Variants in FEM1B observed in about 807,000 individuals in gnomAD.
FEM1B encodes protein fem-1 homolog B.
FEM1B carries 10 observed loss-of-function variants against 38.6 expected under a neutral mutation model. The ratio of observed to expected loss-of-function variants is 0.26; its 90% CI spans 0.16 to 0.44. The LOEUF is 0.44. Among genes scored for constraint, FEM1B ranks in the 20% least tolerant of loss-of-function variants. FEM1B has a pLI of 1.00. For missense variants in FEM1B, 471 were observed against 786.7 expected (o/e 0.60, Z 4.80); for synonymous variants, 288 against 288.0 (o/e 1.00, Z 0.00).
Position 68,278,188 on chromosome 15 carries a change from C to T in FEM1B, c.-230C>T, listed in dbSNP as rs1298922911. 9.2e-6 allele frequency: 5 copies of T among 543,840 alleles called. No homozygotes were observed. Among genetic ancestry groups the T allele is most frequent in the South Asian group, 2.2e-5 (1 of 44,840 alleles). 33.7% of individuals were successfully genotyped at this position (543,840 alleles called of 1,614,324 possible). A position where few individuals can be genotyped will look rare whatever the true frequency, so the allele number is the denominator to read the frequency against. On this transcript the variant is annotated 5_prime_UTR_variant, in exon 1 of 2. Transcript: ENST00000306917. This position sits in a 1 kb window ranked among gnomAD's most constrained non-coding sequence, Gnocchi z 5.7. Reference sequence around the variant, plus strand: ...GGGACCTGGCGGGCGGCCCTGACCGCCTTCCTCCCTGCGCGGGCTGGGTCG... The same window carrying T: ...GGGACCTGGCGGGCGGCCCTGACCGTCTTCCTCCCTGCGCGGGCTGGGTCG...
In FEM1B at chr15:68,280,866, A is replaced by G. The variant is rs1892718615; in HGVS notation, c.248+2201A>G. Among the ~76,000 whole-genome samples, 1 of 152,368 alleles carries G rather than the reference A, an allele frequency of 6.6e-6. No individual in the cohort carries two copies. The highest frequency in any genetic ancestry group is 2.1e-4 in the South Asian group (1 of 4,832). ...TACAATTATGAATTTATTAGCTGCT[A>G]TGTAAAAATAGTCCTTATTAAATGC... is the stretch of plus-strand genomic sequence containing the variant. On this transcript the variant is annotated intron_variant, in intron 1 of 1. Coordinates refer to ENST00000306917, the MANE Select transcript of FEM1B (RefSeq NM_015322.5). The surrounding 1 kb of genome is among the most constrained non-coding windows in gnomAD (Gnocchi z 4.2).
chr15:68,289,549 T>G lies in FEM1B; in HGVS notation c.249-58T>G. 7.6e-7 allele frequency: 1 copy of G among 1,312,206 alleles called. No homozygotes were observed. The highest frequency in any genetic ancestry group is 1.1e-6 in the Non-Finnish European group (1 of 921,418). The allele number at this position is 1,312,206 out of a possible 1,614,324, so 81.3% of individuals were successfully genotyped here. On this transcript the variant is annotated intron_variant, in intron 1 of 1. Coordinates refer to ENST00000306917, the MANE Select transcript of FEM1B (RefSeq NM_015322.5). This position sits in a 1 kb window ranked among gnomAD's most constrained non-coding sequence, Gnocchi z 6.9. ...GGTCGGTGGGAGTGAATACATCCCT[T>G]AAACATATGTTAGGCTGTGGCCTCT...
chr15:68,285,538 CCT>C (rs1336227207), intron 1 of FEM1B, among the ~76,000 whole-genome samples: 3 of 152,116 alleles, frequency 2.0e-5, no homozygotes, highest in African/African-American at 7.2e-5. Flanking sequence ...TTATTATTGC[CCT>C]GTCAGTCTTG....
Position 68,284,743 on chromosome 15 carries a change from AATCTT to A in FEM1B, c.249-4858_249-4854del, listed in dbSNP as rs1892766617. The stretch of plus-strand genomic sequence containing the variant: ...ATAGGGTTTGGCTATGTCCCACCCA[AATCTT>A]ATCTTGAATTCCCACGTGTTGTGGG... On this transcript the variant is annotated intron_variant, in intron 1 of 1. Transcript: ENST00000306917. The surrounding 1 kb of genome is among the most constrained non-coding windows in gnomAD (Gnocchi z 4.4). Among the ~76,000 whole-genome samples the A allele has an allele frequency of 1.3e-5, 2 of 152,170 alleles. No homozygotes were observed. Among genetic ancestry groups the A allele is most frequent in the African/African-American group, 2.4e-5 (1 of 41,422 alleles).
chr15:68,290,954 A>G lies in FEM1B; in HGVS notation c.1596A>G (p.Gly532=). 6.2e-7 allele frequency: 1 copy of G among 1,614,172 alleles called. No individual in the cohort carries two copies. The highest frequency in any genetic ancestry group is 2.2e-5 in the East Asian group (1 of 44,886). The change falls in exon 2 of 2, where the codon GGA becomes GGG. Residue 532 remains glycine, a synonymous_variant. Coordinates refer to ENST00000306917, the MANE Select transcript of FEM1B (RefSeq NM_015322.5). This position sits in a 1 kb window ranked among gnomAD's most constrained non-coding sequence, Gnocchi z 9.7. ...AGGTGAATGCCGTGGACAATGAGGG[A>G]AACAGTGCCCTTCATATTATCGTTC... The part of the protein sequence containing the change: ...GAEVNAVDNE[G]NSALHIIVQY...
Position 68,278,417 on chromosome 15 carries a change from C to T in FEM1B, c.-1C>T, listed in dbSNP as rs1892687098. On this transcript the variant is annotated 5_prime_UTR_variant, in exon 1 of 2. Transcript: ENST00000306917. The surrounding 1 kb of genome is among the most constrained non-coding windows in gnomAD (Gnocchi z 5.7). The stretch of plus-strand genomic sequence containing the variant: ...AACGGGTGTTGGAGTTGGCGGCGGC[C>T]ATGGAGGGCCTGGCTGGCTATGTAT... 1 of 1,610,024 alleles carries T rather than the reference C, an allele frequency of 6.2e-7. No individual in the cohort carries two copies. Among genetic ancestry groups the T allele is most frequent in the Non-Finnish European group, 8.5e-7 (1 of 1,178,494 alleles).
Position 68,284,190 on chromosome 15 carries a change from A to G in FEM1B, c.249-5417A>G, listed in dbSNP as rs7175297. ...GTGAGCCACTGTGCCCAGCCCTCAT[A>G]TAAACTTTTTAGTTATTTATCTGCA... On this transcript the variant is annotated intron_variant, in intron 1 of 1. Coordinates refer to ENST00000306917, the MANE Select transcript of FEM1B (RefSeq NM_015322.5). This position sits in a 1 kb window ranked among gnomAD's most constrained non-coding sequence, Gnocchi z 4.4. Among the ~76,000 whole-genome samples, 50,725 of 151,948 alleles carry G rather than the reference A, an allele frequency of 0.33. 9,114 individuals are homozygous for G. Among genetic ancestry groups the G allele is most frequent in the African/African-American group, 0.42 (17,378 of 41,416 alleles).
At chr15:68,279,214 C>T (rs1437745370) in intron 1 of FEM1B, among the ~76,000 whole-genome samples, 1 of 152,198 alleles carries the variant, frequency 6.6e-6, no homozygotes, top group African/African-American at 2.4e-5. Context: ...AGCCAGACAT[C>T]TCAAGACATG....
Position 68,290,613 on chromosome 15 carries a change from G to C in FEM1B, c.1255G>C (p.Glu419Gln). 1 of 1,614,194 alleles carries C rather than the reference G, an allele frequency of 6.2e-7. No individual in the cohort carries two copies. Among genetic ancestry groups the C allele is most frequent in the Non-Finnish European group, 8.5e-7 (1 of 1,180,010 alleles). ...CVLRCSVLEIEQSMNRVKNIS... is the reference protein window; with the variant it reads ...CVLRCSVLEIQQSMNRVKNIS... ...TTTGAGATGCAGTGTTTTGGAAATAGAACAAAGTATGAACAGAGTGAAAAA... is the reference window on the plus strand; with the variant it reads ...TTTGAGATGCAGTGTTTTGGAAATACAACAAAGTATGAACAGAGTGAAAAA... The change falls in exon 2 of 2, where the codon GAA (glutamate) becomes CAA (glutamine). Residue 419 changes from glutamate (E) to glutamine (Q), a missense_variant. By Grantham distance (29) the Glu-to-Gln change is conservative. Transcript: ENST00000306917. The surrounding 1 kb of genome is among the most constrained non-coding windows in gnomAD (Gnocchi z 9.7).
At chr15:68,285,701 T>C (rs1179858953) in intron 1 of FEM1B, among the ~76,000 whole-genome samples, 2 of 152,084 alleles carry the variant, frequency 1.3e-5, no homozygotes, top group East Asian at 1.9e-4. Context: ...CTTTTTTTTT[T>C]TTTCTTAAAT....
At chr15:68,285,071 C>T (rs75191224) in intron 1 of FEM1B, among the ~76,000 whole-genome samples, 7,826 of 152,256 alleles carry the variant, frequency 0.051, 658 homozygotes, top group African/African-American at 0.17. Context: ...GCTTCTGTCA[C>T]CACAGATTAG....
chr15:68,292,259 A>T lies in FEM1B; in HGVS notation c.*1017A>T, dbSNP rs1483782871. ...TTTCTTAGTCTGTGACAAGAAGTAG[A>T]AATATCACTAGTGTGGTATAGGAAC... On this transcript the variant is annotated 3_prime_UTR_variant, in exon 2 of 2. Transcript: ENST00000306917. The T allele has an allele frequency of 6.6e-6, 1 of 152,216 alleles. No individual in the cohort carries two copies. Among genetic ancestry groups the T allele is most frequent in the East Asian group, 1.9e-4 (1 of 5,206 alleles). 9.4% of individuals were successfully genotyped at this position (152,216 alleles called of 1,614,324 possible).
At position 68,278,326 on chromosome 15, in the gene FEM1B, C is replaced by T. The variant is rs1892685188; in HGVS notation, c.-92C>T. 1 of 1,480,080 alleles carries T rather than the reference C, an allele frequency of 6.8e-7. No individual in the cohort carries two copies. Among genetic ancestry groups the T allele is most frequent in the Non-Finnish European group, 9.0e-7 (1 of 1,106,246 alleles). 91.7% of individuals were successfully genotyped at this position (1,480,080 alleles called of 1,614,324 possible). On this transcript the variant is annotated 5_prime_UTR_variant, in exon 1 of 2. Transcript: ENST00000306917. The surrounding 1 kb of genome is among the most constrained non-coding windows in gnomAD (Gnocchi z 5.7). The stretch of plus-strand genomic sequence containing the variant: ...CGCCCTGTTGAATGGGCTGTGAGGG[C>T]CCAGGTTTAAAGCGCTGGCGAACGC...
chr15:68,278,987 C>T lies in FEM1B; in HGVS notation c.248+322C>T, dbSNP rs75959834. Among the ~76,000 whole-genome samples the T allele has an allele frequency of 9.2e-5, 14 of 152,116 alleles. No homozygotes were observed. Among genetic ancestry groups the T allele is most frequent in the East Asian group, 3.9e-4 (2 of 5,188 alleles). ...CATTTGGAGGAGGTGGCTGCCTTTC[C>T]AGGTTTTACTTTTAGTGGAACTGGT... is the stretch of plus-strand genomic sequence containing the variant. On this transcript the variant is annotated intron_variant, in intron 1 of 1. Coordinates refer to ENST00000306917, the MANE Select transcript of FEM1B (RefSeq NM_015322.5). The surrounding 1 kb of genome is among the most constrained non-coding windows in gnomAD (Gnocchi z 5.7).
rs186758386 is a variant in FEM1B at position 68,291,155 on chromosome 15, C to T, written c.1797C>T (p.Cys599=). ...LKTQMKMSLK[C]LAARAVRAND... is the part of the protein sequence containing the mutation. ...CTCAAATGAAGATGAGTCTCAAGTGCCTGGCTGCCCGAGCAGTTCGGGCTA... is the reference window on the plus strand; with the variant it reads ...CTCAAATGAAGATGAGTCTCAAGTGTCTGGCTGCCCGAGCAGTTCGGGCTA... Residue 599 remains cysteine, a synonymous_variant, in exon 2 of 2, where the codon TGC becomes TGT. Coordinates refer to ENST00000306917, the MANE Select transcript of FEM1B (RefSeq NM_015322.5). This position sits in a 1 kb window ranked among gnomAD's most constrained non-coding sequence, Gnocchi z 6.9. 1.2e-6 allele frequency: 2 copies of T among 1,614,106 alleles called. No homozygotes were observed. Among genetic ancestry groups the T allele is most frequent in the East Asian group, 2.2e-5 (1 of 44,886 alleles).
In FEM1B at chr15:68,294,661, A is replaced by G. The variant is rs1892884918; in HGVS notation, c.*3419A>G. 6.6e-6 allele frequency: 1 copy of G among 152,068 alleles called. No individual in the cohort carries two copies. The highest frequency in any genetic ancestry group is 1.5e-5 in the Non-Finnish European group (1 of 67,990). The allele number at this position is 152,068 out of a possible 1,614,324, so 9.4% of individuals were successfully genotyped here. A position where few individuals can be genotyped will look rare whatever the true frequency, so the allele number is the denominator to read the frequency against. The stretch of plus-strand genomic sequence containing the variant: ...CCTTTGATTAGTTTGCTGGTTTAGA[A>G]ACAGCCAGTGGCTGAATTAGTGAGT... On this transcript the variant is annotated 3_prime_UTR_variant, in exon 2 of 2. Coordinates refer to ENST00000306917, the MANE Select transcript of FEM1B (RefSeq NM_015322.5). This position sits in a 1 kb window ranked among gnomAD's most constrained non-coding sequence, Gnocchi z 4.4.
rs1021528452 is a variant in FEM1B at position 68,284,391 on chromosome 15, A to G, written c.249-5216A>G. Among the ~76,000 whole-genome samples, 33 of 151,436 alleles carry G rather than the reference A, an allele frequency of 2.2e-4. No homozygotes were observed. Among genetic ancestry groups the G allele is most frequent in the Non-Finnish European group, 7.4e-5 (5 of 68,014 alleles). On this transcript the variant is annotated intron_variant, in intron 1 of 1. Transcript: ENST00000306917. This position sits in a 1 kb window ranked among gnomAD's most constrained non-coding sequence, Gnocchi z 4.4. ...AAGTAATTTGGTATAAATTACTTGA[A>G]TTGAAATTACTTGAAATTGAAATTA...
chr15:68,286,694 A>G (rs1892791320), intron 1 of FEM1B, among the ~76,000 whole-genome samples: 1 of 152,056 alleles, frequency 6.6e-6, no homozygotes, highest in Admixed American at 6.6e-5. Flanking sequence ...TTTTCATTAG[A>G]TTTATTACTA....
chr15:68,278,503 A>C lies in FEM1B; in HGVS notation c.86A>C (p.Glu29Ala). The C allele has an allele frequency of 6.2e-7, 1 of 1,614,012 alleles. No homozygotes were observed. The highest frequency in any genetic ancestry group is 8.5e-7 in the Non-Finnish European group (1 of 1,180,018). The change falls in exon 1 of 2, where the codon GAA becomes GCA. Residue 29 changes from glutamate (E) to alanine (A), a missense_variant. Physicochemically the swap from Glu to Ala is moderately radical, Grantham distance 107. This residue lies in a region of FEM1B where 91 missense variants were observed against 169.6 expected (regional missense o/e 0.54). Transcript: ENST00000306917. The surrounding 1 kb of genome is among the most constrained non-coding windows in gnomAD (Gnocchi z 5.7). ...GCCGCCTTGCTTCTCAACCGGTCTG[A>C]AAGCGACATCCGCTATCTGCTTGGC... ...TLAALLLNRS[E>A]SDIRYLLGYV...
Sources: gnomAD v4.1 joint callset for allele counts (sites outside exome capture counted in the v4.1 genomes callset) on GRCh38, gnomAD v4.1.1 for gene constraint, gnomAD v4.1.1 regional missense constraint, Gnocchi (gnomAD v3.1) non-coding constraint, MANE v1.5 for transcripts, NCBI Gene and HGNC (gene_info 2026-07-23, HGNC 2026-07-21) for gene names.